The following DMD variants were observed in gnomAD, a reference collection of about 807,000 sequenced individuals.
DMD encodes mutant dystrophin.
DMD carries 63 observed loss-of-function variants against 330.1 expected under a neutral mutation model. That is an observed-to-expected ratio of 0.19 (90% confidence interval 0.16 to 0.24). The LOEUF (loss-of-function observed/expected upper bound fraction) is 0.24. DMD is among the 10% of genes least tolerant of loss of function. The probability of loss-of-function intolerance (pLI) is 1.00; values close to 1 mark genes in which losing one functional copy is unlikely to be tolerated. For synonymous variants in DMD, 1,223 were observed against 959.8 expected (o/e 1.27, Z -5.07); for missense variants, 3,344 against 2,684.1 (o/e 1.25, Z -5.43).
intron 55 of DMD, among the ~76,000 whole-genome samples, chrX:31,536,382 A>T (rs2073408811): frequency 9.0e-6 from 1 of 111,616 alleles, no homozygotes; most frequent in Non-Finnish European, 1.9e-5. Context: ...AGGTGAGAAA[A>T]CAGAAGGAAA....
intron 60 of DMD, among the ~76,000 whole-genome samples, chrX:31,361,845 T>C (rs1477095923): frequency 1.9e-5 from 2 of 105,235 alleles, no homozygotes; most frequent in East Asian, 6.1e-4. Flanking sequence ...TCTCAGCTCA[T>C]TGCAACCCCT....
intron 22 of DMD, among the ~76,000 whole-genome samples, chrX:32,469,398 A>G (rs1011216404): frequency 1.8e-5 from 2 of 110,596 alleles, no homozygotes; most frequent in Admixed American, 9.7e-5. Context: ...AACTACTAGT[A>G]CTTTATATAA....
chrX:31,626,352 A>T (rs1404694902), intron 55 of DMD, among the ~76,000 whole-genome samples: 2 of 111,727 alleles, frequency 1.8e-5, no homozygotes, highest in Non-Finnish European at 3.8e-5. Context: ...TTATAATAAA[A>T]TTTTATTTAT....
chrX:32,646,066 G>A (rs1000900455), intron 9 of DMD, among the ~76,000 whole-genome samples: 1 of 111,661 alleles, frequency 9.0e-6, no homozygotes, highest in African/African-American at 3.3e-5. Flanking sequence ...GGAGAGGCTG[G>A]AGCGCTCTGC....
At chrX:31,835,174 T>G (rs897037180) in intron 49 of DMD, among the ~76,000 whole-genome samples, 7 of 112,002 alleles carry the variant, frequency 6.2e-5, no homozygotes, top group Non-Finnish European at 9.4e-5. Flanking sequence ...AAGATCTCTC[T>G]CTCTCTCTTT....
At chrX:32,358,851 T>C in intron 37 of DMD, among the ~76,000 whole-genome samples, 1 of 111,889 alleles carries the variant, frequency 8.9e-6, no homozygotes, top group Non-Finnish European at 1.9e-5. Context: ...TACCCATTGA[T>C]ATTAATTATT....
At chrX:33,137,461 A>G (rs2095534234) in intron 1 of DMD, among the ~76,000 whole-genome samples, 1 of 112,386 alleles carries the variant, frequency 8.9e-6, no homozygotes, top group African/African-American at 3.2e-5. Context: ...AGTTTGATGT[A>G]ATTCAGCAGC....
intron 51 of DMD, among the ~76,000 whole-genome samples, chrX:31,735,478 C>A (rs781223743): frequency 8.9e-6 from 1 of 111,752 alleles, no homozygotes; most frequent in Non-Finnish European, 1.9e-5. Flanking sequence ...GTGTAACTGT[C>A]AATTATTGAA....
chrX:31,257,143 C>T (rs1229239494), intron 63 of DMD, among the ~76,000 whole-genome samples: 1 of 102,471 alleles, frequency 9.8e-6, no homozygotes, highest in Non-Finnish European at 2.0e-5. Context: ...ATGTGTTGAA[C>T]AGGCTGCTTG....
intron 2 of DMD, among the ~76,000 whole-genome samples, chrX:32,860,550 T>C (rs5927105): frequency 8.3e-5 from 9 of 108,868 alleles, no homozygotes; most frequent in African/African-American, 3.0e-4. Flanking sequence ...GCAACCCATT[T>C]TCATGTAAAT....
At chrX:32,715,142 C>G (rs2065566289) in intron 7 of DMD, among the ~76,000 whole-genome samples, 1 of 111,169 alleles carries the variant, frequency 9.0e-6, no homozygotes, top group Non-Finnish European at 1.9e-5. Context: ...GTTTTATTCT[C>G]TCTATATAGT....
chrX:31,315,616 T>G (rs2055939203), intron 62 of DMD, among the ~76,000 whole-genome samples: 1 of 112,487 alleles, frequency 8.9e-6, no homozygotes, highest in African/African-American at 3.2e-5. Context: ...CATTCTCACA[T>G]TTCCAAAAGT....
At chrX:32,888,689 T>C (rs1162963117) in intron 2 of DMD, among the ~76,000 whole-genome samples, 1 of 112,042 alleles carries the variant, frequency 8.9e-6, no homozygotes, top group African/African-American at 3.2e-5. Flanking sequence ...CATCAGTATA[T>C]CAAGTAGATA....
intron 5 of DMD, among the ~76,000 whole-genome samples, chrX:32,821,483 G>A (rs1265947575): frequency 2.7e-5 from 3 of 109,579 alleles, no homozygotes; most frequent in Non-Finnish European, 3.8e-5. Flanking sequence ...AGCTACTCGG[G>A]AGGCTGAGGC....
chrX:32,646,023 G>T (rs1376993098), intron 9 of DMD, among the ~76,000 whole-genome samples: 1 of 111,579 alleles, frequency 9.0e-6, no homozygotes. Context: ...CAAGGAGGTC[G>T]ATTAGAAAAA....
chrX:31,811,878 G>A (rs1385468197), intron 50 of DMD, among the ~76,000 whole-genome samples: 1 of 111,179 alleles, frequency 9.0e-6, no homozygotes, highest in Non-Finnish European at 1.9e-5. Context: ...CCCCTCCCCT[G>A]CCATGTTTCT....
intron 42 of DMD, among the ~76,000 whole-genome samples, chrX:32,309,290 C>A (rs1204675497): frequency 9.0e-6 from 1 of 111,461 alleles, no homozygotes; most frequent in Admixed American, 9.5e-5. Context: ...CTGCTGATAG[C>A]AAACCCATCT....
chrX:31,174,657 T>C (rs2040334557), intron 71 of DMD, among the ~76,000 whole-genome samples: 1 of 111,657 alleles, frequency 9.0e-6, no homozygotes, highest in Non-Finnish European at 1.9e-5. Flanking sequence ...TAGCCCAGTG[T>C]CCAAGTAGCG....
chrX:32,944,164 A>C (rs191494426), intron 2 of DMD, among the ~76,000 whole-genome samples: 1 of 112,296 alleles, frequency 8.9e-6, no homozygotes. Context: ...CTCCAGGTCT[A>C]ACACTTTCTT....
Sources: gnomAD v4.1 joint callset for allele counts (sites outside exome capture counted in the v4.1 genomes callset) on GRCh38, gnomAD v4.1.1 for gene constraint, MANE v1.5 for transcripts, NCBI Gene and HGNC (gene_info 2026-07-23, HGNC 2026-07-21) for gene names.